KATNA1: variants seen among roughly 807,000 people sequenced by gnomAD.
KATNA1 encodes katanin p60 ATPase-containing subunit A1.
Under a neutral mutation model 62.6 loss-of-function variants are expected in KATNA1, and 42 were observed. That is an observed-to-expected ratio of 0.67 (90% CI 0.52 to 0.87). The LOEUF (loss-of-function observed/expected upper bound fraction) is 0.87, where lower values mean the gene tolerates loss of function less well. Among genes scored for constraint, KATNA1 ranks in the 40% least tolerant of loss-of-function variants. The pLI is 0.00. For synonymous variants in KATNA1, 186 were observed against 201.9 expected (o/e 0.92, Z 0.67); for missense variants, 498 against 612.5 (o/e 0.81, Z 1.97).
intron 5 of KATNA1, among the ~76,000 whole-genome samples, chr6:149,604,044 T>C (rs917380525): frequency 3.3e-5 from 5 of 152,360 alleles, no homozygotes; most frequent in African/African-American, 1.2e-4. Context: ...AAGTTAACTT[T>C]TATAACTCAT....
chr6:149,640,739 G>A (rs1780248211), intron 1 of KATNA1, among the ~76,000 whole-genome samples: 1 of 152,074 alleles, frequency 6.6e-6, no homozygotes, highest in Non-Finnish European at 1.5e-5. Context: ...AGTAGAGATA[G>A]GGTTTCACCA....
intron 1 of KATNA1, among the ~76,000 whole-genome samples, chr6:149,643,587 C>T (rs1379562077): frequency 1.3e-5 from 2 of 152,052 alleles, no homozygotes; most frequent in Non-Finnish European, 2.9e-5. Flanking sequence ...AGGACCATAT[C>T]TCTCTGTTAT....
At chr6:149,599,215 T>G (rs1778439570) in intron 7 of KATNA1, among the ~76,000 whole-genome samples, 1 of 152,160 alleles carries the variant, frequency 6.6e-6, no homozygotes, top group Non-Finnish European at 1.5e-5. Flanking sequence ...GTATAAATAT[T>G]TTTGTACTTT....
At chr6:149,628,266 T>C (rs1779695736) in intron 3 of KATNA1, among the ~76,000 whole-genome samples, 1 of 142,190 alleles carries the variant, frequency 7.0e-6, no homozygotes, top group African/African-American at 2.7e-5. Flanking sequence ...CCCGGCTAAT[T>C]TTTTTTTTTT....
At chr6:149,618,617 A>G (rs779211704) in intron 4 of KATNA1, among the ~76,000 whole-genome samples, 20 of 152,228 alleles carry the variant, frequency 1.3e-4, no homozygotes, top group Non-Finnish European at 2.4e-4. Context: ...ACAGCATGGT[A>G]CTGGCATAAA....
At chr6:149,631,825 T>C (rs1779852535) in intron 3 of KATNA1, among the ~76,000 whole-genome samples, 1 of 152,206 alleles carries the variant, frequency 6.6e-6, no homozygotes, top group South Asian at 2.1e-4. Context: ...TATGCATGAT[T>C]GGCTAGTTAC....
chr6:149,624,349 A>G (rs1779522642), intron 3 of KATNA1, among the ~76,000 whole-genome samples: 1 of 152,242 alleles, frequency 6.6e-6, no homozygotes, highest in Admixed American at 6.5e-5. Context: ...ATGAACAGTT[A>G]CTAGAACTCA....
At chr6:149,636,655 T>TG (rs2114620192) in intron 2 of KATNA1, among the ~76,000 whole-genome samples, 1 of 151,880 alleles carries the variant, frequency 6.6e-6, no homozygotes, top group Admixed American at 6.6e-5. Context: ...TCATTTTTTT[T>TG]TTTTGAGACA....
intron 4 of KATNA1, among the ~76,000 whole-genome samples, chr6:149,617,203 A>G (rs1473175362): frequency 8.5e-5 from 13 of 152,214 alleles, no homozygotes; most frequent in Admixed American, 7.2e-4. Context: ...TTCAGTTCTG[A>G]AAAATAAATA....
chr6:149,615,546 A>G (rs1779138237), intron 4 of KATNA1, among the ~76,000 whole-genome samples: 1 of 152,112 alleles, frequency 6.6e-6, no homozygotes, highest in South Asian at 2.1e-4. Context: ...AGGCATATAA[A>G]GACTGAAATA....
At chr6:149,636,541 C>CA (rs1562300831) in intron 2 of KATNA1, among the ~76,000 whole-genome samples, 1 of 151,678 alleles carries the variant, frequency 6.6e-6, no homozygotes, top group African/African-American at 2.4e-5. Flanking sequence ...CTGTTTCTCT[C>CA]AAAAAAATTA....
At chr6:149,611,867 C>T (rs191280294) in intron 4 of KATNA1, among the ~76,000 whole-genome samples, 110 of 152,058 alleles carry the variant, frequency 7.2e-4, no homozygotes, top group African/African-American at 2.5e-3. Flanking sequence ...GGTGTGGTGG[C>T]GGGCGCCTGT....
intron 4 of KATNA1, 116 bp downstream of exon 4, chr6:149,622,987 T>C (rs10782313): frequency 0.41 from 300,870 of 733,954 alleles, 66,163 homozygotes; most frequent in East Asian, 0.77. Flanking sequence ...CCAGCCTGGG[T>C]GACAGAGTGA....
chr6:149,626,028 T>C (rs1779591117), intron 3 of KATNA1, among the ~76,000 whole-genome samples: 2 of 152,040 alleles, frequency 1.3e-5, no homozygotes, highest in African/African-American at 2.4e-5. Flanking sequence ...GAAGCAATGA[T>C]GGGGGTTCAA....
chr6:149,612,599 C>A (rs1299731391), intron 4 of KATNA1, among the ~76,000 whole-genome samples: 1 of 152,106 alleles, frequency 6.6e-6, no homozygotes, highest in Non-Finnish European at 1.5e-5. Context: ...TTATAAAAGG[C>A]TATATTACCC....
chr6:149,599,577 T>TC (rs1778456626), intron 7 of KATNA1, among the ~76,000 whole-genome samples: 1 of 147,224 alleles, frequency 6.8e-6, no homozygotes, highest in African/African-American at 2.5e-5. Flanking sequence ...CTCTCCCCTC[T>TC]CCCCTCTCCC....
At chr6:149,598,002 C>G in intron 8 of KATNA1, 1 of 522,506 alleles carries the variant, frequency 1.9e-6, no homozygotes. Flanking sequence ...AAAGGGTGCC[C>G]TGTGTGTGGC....
intron 2 of KATNA1, among the ~76,000 whole-genome samples, chr6:149,635,684 G>A (rs1183552219): frequency 3.9e-5 from 6 of 152,098 alleles, no homozygotes; most frequent in African/African-American, 1.2e-4. Flanking sequence ...ACTACAGCCT[G>A]GGCAACAGAG....
chr6:149,621,031 G>A (rs769210535), intron 4 of KATNA1, among the ~76,000 whole-genome samples: 3 of 151,916 alleles, frequency 2.0e-5, no homozygotes, highest in African/African-American at 4.8e-5. Context: ...GGGTCAAATG[G>A]TAAGTTTATT....
Sources: gnomAD v4.1 joint callset for allele counts (sites outside exome capture counted in the v4.1 genomes callset) on GRCh38, gnomAD v4.1.1 for gene constraint, MANE v1.5 for transcripts, NCBI Gene and HGNC (gene_info 2026-07-23, HGNC 2026-07-21) for gene names.